The following RCOR1 variants were observed in gnomAD, a reference collection of about 807,000 sequenced individuals.
RCOR1 encodes REST corepressor.
RCOR1 carries 12 observed loss-of-function variants against 64.0 expected under a neutral mutation model. That is an observed-to-expected ratio of 0.19 (90% confidence interval 0.12 to 0.30). The LOEUF is 0.30. RCOR1 is among the 10% of genes least tolerant of loss of function. The probability of loss-of-function intolerance (pLI) is 1.00; values close to 1 mark genes in which losing one functional copy is unlikely to be tolerated. For synonymous variants in RCOR1, 279 were observed against 227.2 expected, an observed-to-expected ratio of 1.23 and a Z score of -2.05; for missense variants, 502 against 621.2, an observed-to-expected ratio of 0.81 and a Z score of 2.04.
chr14:102,722,506 A>G, intron 11 of RCOR1, 90 bp downstream of exon 11: 1 of 1,029,956 alleles, frequency 9.7e-7, no homozygotes, highest in Non-Finnish European at 1.5e-6. Flanking sequence ...AGCTATAGAG[A>G]TTTTTAGGTA....
chr14:102,722,551 A>G (rs886451719), intron 11 of RCOR1, 135 bp downstream of exon 11: 10 of 663,618 alleles, frequency 1.5e-5, no homozygotes, highest in Non-Finnish European at 2.4e-5. Flanking sequence ...TTACCTGTAA[A>G]TAGCCGGAAT....
chr14:102,618,272 T>C (rs1259702777), intron 2 of RCOR1, among the ~76,000 whole-genome samples: 1 of 151,952 alleles, frequency 6.6e-6, no homozygotes, highest in African/African-American at 2.4e-5. Context: ...CCACTGTGCC[T>C]GTCTGGGATG....
chr14:102,624,814 T>A (rs923624056), intron 2 of RCOR1, among the ~76,000 whole-genome samples: 1 of 151,786 alleles, frequency 6.6e-6, no homozygotes, highest in Non-Finnish European at 1.5e-5. Flanking sequence ...AGCCTCTTAA[T>A]GGCCCCCTCT....
At chr14:102,706,114 CAAAAAAAAAAAA>C (rs71119732) in intron 4 of RCOR1, among the ~76,000 whole-genome samples, 7 of 21,332 alleles carry the variant, frequency 3.3e-4, no homozygotes, top group East Asian at 3.2e-3. Context: ...AACCCTGTCT[CAAAAAAAAAAAA>C]AAAAAAAAAA....
intron 2 of RCOR1, among the ~76,000 whole-genome samples, chr14:102,655,718 T>G (rs971466686): frequency 1.3e-5 from 2 of 152,026 alleles, no homozygotes; most frequent in Non-Finnish European, 2.9e-5. Context: ...TTTGGGAGGC[T>G]GAGGCGAGCG....
chr14:102,593,962 C>T (rs1893189677), intron 2 of RCOR1, among the ~76,000 whole-genome samples: 1 of 152,024 alleles, frequency 6.6e-6, no homozygotes, highest in East Asian at 1.9e-4. Context: ...TGTGTATTTC[C>T]TTTTTTTTGG....
chr14:102,637,795 CA>C (rs1450356528), intron 2 of RCOR1, among the ~76,000 whole-genome samples: 1 of 152,134 alleles, frequency 6.6e-6, no homozygotes, highest in Non-Finnish European at 1.5e-5. Context: ...TCGGTGATGT[CA>C]GTAATTTTAC....
rs866335836 is a variant in RCOR1, at chr14:102,596,514, G to A, written c.361+3189G>A. Among the ~76,000 whole-genome samples the A allele has an allele frequency of 5.9e-5, 9 of 152,168 alleles. 1 individual carries two copies. Among genetic ancestry groups the A allele is most frequent in the Non-Finnish European group, 2.9e-5 (2 of 68,036 alleles). ...TGAATTGAGTAATAAATTAAGAATT[G>A]AGAGTTTGATCCTTACTAGTTTTTA... is the stretch of plus-strand genomic sequence containing the variant. On this transcript the variant is annotated intron_variant, in intron 2 of 11. Transcript: ENST00000262241.
At chr14:102,695,460 T>C (rs1484331934) in intron 3 of RCOR1, 1 of 152,240 alleles carries the variant, frequency 6.6e-6, no homozygotes, top group Non-Finnish European at 1.5e-5. Context: ...TTCTTCTCTC[T>C]TCCTGCTTCT....
At chr14:102,692,740 C>CCTTT (rs1302158934) in intron 3 of RCOR1, among the ~76,000 whole-genome samples, 178 of 142,428 alleles carry the variant, frequency 1.2e-3, no homozygotes, top group Middle Eastern at 3.5e-3. Context: ...TTCCTTCCTT[C>CCTTT]CTTCCTTCCT....
At chr14:102,700,516 T>C (rs1876570877) in intron 3 of RCOR1, among the ~76,000 whole-genome samples, 1 of 152,200 alleles carries the variant, frequency 6.6e-6, no homozygotes, top group South Asian at 2.1e-4. Context: ...AGCTGCAGCA[T>C]CCAGCCCTGA....
At chr14:102,663,398 T>G (rs1894862187) in intron 2 of RCOR1, among the ~76,000 whole-genome samples, 1 of 152,236 alleles carries the variant, frequency 6.6e-6, no homozygotes, top group South Asian at 2.1e-4. Flanking sequence ...TTTGCCAAAC[T>G]TTTGCAAAGA....
intron 2 of RCOR1, among the ~76,000 whole-genome samples, chr14:102,611,745 G>A (rs1256771895): frequency 1.3e-5 from 2 of 152,182 alleles, no homozygotes; most frequent in Non-Finnish European, 1.5e-5. Flanking sequence ...CATGGACTAT[G>A]TGGTTTTCCA....
chr14:102,665,920 G>A (rs1358030403), intron 2 of RCOR1, among the ~76,000 whole-genome samples: 1 of 152,148 alleles, frequency 6.6e-6, no homozygotes, highest in East Asian at 1.9e-4. Flanking sequence ...GTTACTGCTG[G>A]TAGTTGAGTC....
chr14:102,699,037 C>A (rs1248828777), intron 3 of RCOR1, among the ~76,000 whole-genome samples: 3 of 152,146 alleles, frequency 2.0e-5, no homozygotes, highest in Non-Finnish European at 4.4e-5. Flanking sequence ...CAGGCATGCG[C>A]CACCACGCCC....
chr14:102,653,897 C>T (rs1894645633), intron 2 of RCOR1, among the ~76,000 whole-genome samples: 1 of 150,462 alleles, frequency 6.6e-6, no homozygotes, highest in Non-Finnish European at 1.5e-5. Flanking sequence ...TTATAAATTA[C>T]CTAGTCTCAT....
chr14:102,618,216 T>TC (rs1000560318), intron 2 of RCOR1, among the ~76,000 whole-genome samples: 2 of 150,754 alleles, frequency 1.3e-5, no homozygotes, highest in East Asian at 2.0e-4. Context: ...CTCAGGTGGA[T>TC]CCCCCCTGCC....
chr14:102,609,430 A>G (rs983537390), intron 2 of RCOR1, among the ~76,000 whole-genome samples: 1 of 151,762 alleles, frequency 6.6e-6, no homozygotes, highest in East Asian at 1.9e-4. Context: ...GAGGGTTTCA[A>G]TATTCTACTT....
intron 2 of RCOR1, among the ~76,000 whole-genome samples, chr14:102,651,450 G>A (rs1158860952): frequency 7.2e-5 from 11 of 151,944 alleles, no homozygotes; most frequent in African/African-American, 2.7e-4. Context: ...CTGCTCAGGA[G>A]GTTGAGGCAG....
Sources: allele counts gnomAD v4.1 joint callset (sites outside exome capture counted in the v4.1 genomes callset), GRCh38; gene constraint gnomAD v4.1.1; transcripts MANE v1.5; gene names NCBI Gene and HGNC (gene_info 2026-07-23, HGNC 2026-07-21).